The following TRPC4 variants were observed in gnomAD, a reference collection of about 807,000 sequenced individuals.
TRPC4 encodes the protein transient receptor potential cation channel subfamily C member 4, also known as short transient receptor potential channel 4.
In TRPC4, 49 loss-of-function variants were observed where a neutral mutation model predicts 99.4. The observed-to-expected ratio is 0.49, with a 90% CI of 0.39 to 0.63. TRPC4 has a LOEUF of 0.63. Ranked by LOEUF, TRPC4 falls within the 20% of genes least tolerant of loss-of-function variation. The pLI, the probability that TRPC4 is intolerant of heterozygous loss-of-function variation, is 0.00. For synonymous variants in TRPC4, 454 were observed against 425.9 expected, an observed-to-expected ratio of 1.07 and a Z score of -0.81; for missense variants, 898 against 1,152.9, an observed-to-expected ratio of 0.78 and a Z score of 3.20.
At chr13:37,742,990 T>C (rs919852751) in intron 3 of TRPC4, among the ~76,000 whole-genome samples, 2 of 152,136 alleles carry the variant, frequency 1.3e-5, no homozygotes, top group Admixed American at 1.3e-4. Flanking sequence ...AGAAAAATAT[T>C]CTCTTTGATA....
chr13:37,714,517 A>C (rs1207701352), intron 3 of TRPC4, among the ~76,000 whole-genome samples: 3 of 152,234 alleles, frequency 2.0e-5, no homozygotes, highest in African/African-American at 7.2e-5. Flanking sequence ...ACATTTAATC[A>C]TGACACATAG....
chr13:37,771,989 A>AG (rs1956561880), intron 2 of TRPC4, among the ~76,000 whole-genome samples: 1 of 151,632 alleles, frequency 6.6e-6, no homozygotes, highest in South Asian at 2.1e-4. Context: ...AAGTTGGACT[A>AG]GGGGGCAGCT....
At chr13:37,827,130 C>T (rs1442385161) in intron 1 of TRPC4, among the ~76,000 whole-genome samples, 2 of 152,138 alleles carry the variant, frequency 1.3e-5, no homozygotes, top group South Asian at 2.1e-4. Flanking sequence ...CCATCACCTC[C>T]TTTAAACACT....
At chr13:37,729,396 A>G (rs934999692) in intron 3 of TRPC4, among the ~76,000 whole-genome samples, 1 of 151,688 alleles carries the variant, frequency 6.6e-6, no homozygotes, top group Non-Finnish European at 1.5e-5. Flanking sequence ...GTAAAATGGT[A>G]AAGCCACTGT....
chr13:37,761,016 A>G (rs1010326897), intron 2 of TRPC4, among the ~76,000 whole-genome samples: 9 of 152,000 alleles, frequency 5.9e-5, no homozygotes, highest in Admixed American at 2.0e-4. Flanking sequence ...TATAGGGCAC[A>G]CAGTAAATAC....
intron 4 of TRPC4, among the ~76,000 whole-genome samples, chr13:37,684,070 A>G (rs1286532012): frequency 6.6e-6 from 1 of 152,192 alleles, no homozygotes; most frequent in African/African-American, 2.4e-5. Flanking sequence ...TAAAACCATT[A>G]TATGATTATG....
chr13:37,812,022 G>GT (rs1957703244), intron 1 of TRPC4, among the ~76,000 whole-genome samples: 1 of 151,190 alleles, frequency 6.6e-6, no homozygotes, highest in Non-Finnish European at 1.5e-5. Flanking sequence ...AAATATCCAG[G>GT]TGTGATGGTG....
At chr13:37,821,421 T>C (rs529417812) in intron 1 of TRPC4, among the ~76,000 whole-genome samples, 7 of 152,288 alleles carry the variant, frequency 4.6e-5, no homozygotes, top group African/African-American at 1.4e-4. Flanking sequence ...GCTATTCCTA[T>C]CAAATTACCA....
chr13:37,861,623 G>A (rs777512560), intron 1 of TRPC4, among the ~76,000 whole-genome samples: 16 of 151,474 alleles, frequency 1.1e-4, no homozygotes, highest in Admixed American at 5.9e-4. Context: ...TCATGAAAGG[G>A]CAAAATCATT....
chr13:37,710,680 G>T (rs1954453726), intron 3 of TRPC4, among the ~76,000 whole-genome samples: 1 of 151,820 alleles, frequency 6.6e-6, no homozygotes, highest in Non-Finnish European at 1.5e-5. Context: ...CACATTATTT[G>T]TCCCTTATTC....
intron 1 of TRPC4, among the ~76,000 whole-genome samples, chr13:37,812,441 T>C (rs1957730430): frequency 6.6e-6 from 1 of 151,968 alleles, no homozygotes; most frequent in Non-Finnish European, 1.5e-5. Flanking sequence ...AGCTACATTA[T>C]GACAGTTCTT....
intron 7 of TRPC4, among the ~76,000 whole-genome samples, chr13:37,652,605 A>G (rs1952085199): frequency 2.7e-4 from 1 of 3,648 alleles, no homozygotes; most frequent in Non-Finnish European, 6.3e-4. Context: ...TTCCTTTCTT[A>G]TTTCTCCCTC....
At chr13:37,693,626 T>C (rs1953805506) in intron 3 of TRPC4, among the ~76,000 whole-genome samples, 1 of 152,296 alleles carries the variant, frequency 6.6e-6, no homozygotes, top group Middle Eastern at 3.4e-3. Flanking sequence ...AGTCTCTGGA[T>C]ATGCAGAAAG....
At chr13:37,821,626 T>A (rs992167252) in intron 1 of TRPC4, among the ~76,000 whole-genome samples, 1 of 151,952 alleles carries the variant, frequency 6.6e-6, no homozygotes. Flanking sequence ...CATAGAGCAA[T>A]GGAACAAAAT....
chr13:37,746,464 A>G lies in TRPC4; in HGVS notation c.379-9T>C. The G allele has an allele frequency of 1.9e-6, 3 of 1,581,846 alleles. No homozygotes were observed. The highest frequency in any genetic ancestry group is 2.6e-6 in the Non-Finnish European group (3 of 1,168,456). On this transcript the variant is annotated splice_polypyrimidine_tract_variant and intron_variant, in intron 2 of 10. Transcript: ENST00000379705. ...AGGAGTATAGGAGGCACCTAAAAAA[A>G]AAAAAGGCAGAGGTGATGAATATTT...
intron 8 of TRPC4, among the ~76,000 whole-genome samples, chr13:37,650,184 A>G (rs1376895489): frequency 6.6e-6 from 1 of 152,238 alleles, no homozygotes; most frequent in Non-Finnish European, 1.5e-5. Context: ...CATCGCAGTC[A>G]CAAACCATGT....
intron 2 of TRPC4, among the ~76,000 whole-genome samples, chr13:37,770,698 AGC>A (rs1319521209): frequency 1.3e-5 from 2 of 151,640 alleles, no homozygotes; most frequent in Non-Finnish European, 3.0e-5. Context: ...AATATGAATT[AGC>A]AACATTTAAC....
intron 1 of TRPC4, among the ~76,000 whole-genome samples, chr13:37,859,221 C>A (rs1959203225): frequency 6.6e-6 from 1 of 150,398 alleles, no homozygotes; most frequent in African/African-American, 2.4e-5. Flanking sequence ...ATGGAAAAAG[C>A]ATTAAAAGAA....
At chr13:37,797,387 A>G (rs1957285756) in intron 1 of TRPC4, among the ~76,000 whole-genome samples, 2 of 152,114 alleles carry the variant, frequency 1.3e-5, no homozygotes, top group Non-Finnish European at 2.9e-5. Context: ...ATATGGTTTC[A>G]TTCCCAATGA....
Sources: allele counts gnomAD v4.1 joint callset (sites outside exome capture counted in the v4.1 genomes callset), GRCh38; gene constraint gnomAD v4.1.1; transcripts MANE v1.5; gene names NCBI Gene and HGNC (gene_info 2026-07-23, HGNC 2026-07-21).